ERC2: variants seen among roughly 807,000 people sequenced by gnomAD.
The protein encoded by ERC2 is ERC protein 2.
In ERC2, 42 loss-of-function variants were observed where a neutral mutation model predicts 114.8. The ratio of observed to expected loss-of-function variants is 0.37; its 90% CI spans 0.29 to 0.47. The LOEUF (loss-of-function observed/expected upper bound fraction) is 0.47, where lower values mean the gene tolerates loss of function less well. Among genes scored for constraint, ERC2 ranks in the 20% least tolerant of loss-of-function variants. The probability of loss-of-function intolerance (pLI) is 0.99; values close to 1 mark genes in which losing one functional copy is unlikely to be tolerated. For missense variants in ERC2, 939 were observed against 1,150.7 expected (o/e 0.82, Z 2.66); for synonymous variants, 454 against 425.5 (o/e 1.07, Z -0.82).
intron 14 of ERC2, among the ~76,000 whole-genome samples, chr3:55,823,947 C>T (rs1049061229): frequency 3.3e-5 from 5 of 152,138 alleles, no homozygotes; most frequent in African/African-American, 7.2e-5. Flanking sequence ...ATCAAGGTGT[C>T]GGCAGATTCA....
At chr3:56,371,196 C>T (rs981281214) in intron 2 of ERC2, among the ~76,000 whole-genome samples, 1 of 152,164 alleles carries the variant, frequency 6.6e-6, no homozygotes. Context: ...CCAGACTATA[C>T]AAGACAATAG....
intron 14 of ERC2, among the ~76,000 whole-genome samples, chr3:55,830,107 T>A (rs2149180778): frequency 6.6e-6 from 1 of 152,314 alleles, no homozygotes; most frequent in Admixed American, 6.5e-5. Context: ...AAAATGACGT[T>A]ACACAGAAGA....
intron 6 of ERC2, 59 bp downstream of exon 6, chr3:56,139,450 A>G: frequency 6.5e-7 from 1 of 1,534,742 alleles, no homozygotes; most frequent in Non-Finnish European, 8.8e-7. Context: ...TTGTTCAGGT[A>G]GGGCAATTTC....
At position 56,345,483 on chromosome 3, in the gene ERC2, G is replaced by A. The variant is rs1053924354; in HGVS notation, c.658-49048C>T. Among the ~76,000 whole-genome samples the A allele has an allele frequency of 2.6e-5, 4 of 152,278 alleles. 1 individual carries two copies. Among genetic ancestry groups the A allele is most frequent in the Admixed American group, 1.3e-4 (2 of 15,300 alleles). On this transcript the variant is annotated intron_variant, in intron 2 of 17. Transcript: ENST00000288221. ...TGTTCCTGGGACAACTGAGGAAAAT[G>A]GTTAGTTTATGAAGACCACCATTTG...
intron 2 of ERC2, among the ~76,000 whole-genome samples, chr3:56,395,599 C>G (rs546121720): frequency 1.3e-5 from 2 of 152,272 alleles, no homozygotes; most frequent in East Asian, 3.9e-4. Flanking sequence ...CATTCTCTCA[C>G]TCCATTGCTC....
intron 2 of ERC2, among the ~76,000 whole-genome samples, chr3:56,341,366 ACTGGGACCTGAGCCC>A (rs1278969872): frequency 1.3e-5 from 2 of 152,196 alleles, no homozygotes; most frequent in Non-Finnish European, 2.9e-5. Context: ...AAAACAGGGC[ACTGGGACCTGAGCCC>A]CTGGGAGCCA....
chr3:56,236,650 G>T (rs958053339), intron 3 of ERC2, among the ~76,000 whole-genome samples: 1 of 152,058 alleles, frequency 6.6e-6, no homozygotes, highest in East Asian at 1.9e-4. Context: ...ATTATATTGA[G>T]GTATTTTGGG....
intron 2 of ERC2, among the ~76,000 whole-genome samples, chr3:56,342,855 G>GA (rs1450526422): frequency 1.3e-5 from 2 of 152,170 alleles, no homozygotes; most frequent in African/African-American, 4.8e-5. Context: ...TGTGGGATGA[G>GA]AAAATGATCC....
intron 11 of ERC2, among the ~76,000 whole-genome samples, chr3:55,990,327 G>T (rs1423050636): frequency 2.0e-5 from 3 of 152,098 alleles, no homozygotes; most frequent in Admixed American, 1.3e-4. Context: ...ATTATGAAGA[G>T]AAATATTAAT....
At chr3:55,576,309 C>CA (rs112669253) in intron 17 of ERC2, among the ~76,000 whole-genome samples, 1,224 of 117,514 alleles carry the variant, frequency 0.01, 10 homozygotes, top group Non-Finnish European at 0.015. Flanking sequence ...GACTCCATCT[C>CA]AAAAAAAAAA....
intron 17 of ERC2, among the ~76,000 whole-genome samples, chr3:55,637,862 A>C (rs2148646044): frequency 6.6e-6 from 1 of 152,234 alleles, no homozygotes; most frequent in Non-Finnish European, 1.5e-5. Context: ...AGAATTTGAC[A>C]TGCATTTTCT....
At chr3:55,996,038 T>C (rs2071483977) in intron 10 of ERC2, among the ~76,000 whole-genome samples, 1 of 152,238 alleles carries the variant, frequency 6.6e-6, no homozygotes, top group African/African-American at 2.4e-5. Flanking sequence ...GGATCTATCA[T>C]ACTTTAGACA....
At chr3:56,157,451 T>C (rs2081794034) in intron 4 of ERC2, among the ~76,000 whole-genome samples, 1 of 152,190 alleles carries the variant, frequency 6.6e-6, no homozygotes, top group Non-Finnish European at 1.5e-5. Context: ...AAAGAGGGTT[T>C]GAATTCCAGC....
intron 4 of ERC2, among the ~76,000 whole-genome samples, chr3:56,152,112 A>G (rs952685678): frequency 2.0e-5 from 3 of 152,300 alleles, no homozygotes; most frequent in East Asian, 3.9e-4. Flanking sequence ...AGCTTTTCCC[A>G]AAGTTCACAG....
chr3:56,154,276 G>T (rs1433402398), intron 4 of ERC2, among the ~76,000 whole-genome samples: 1 of 152,032 alleles, frequency 6.6e-6, no homozygotes, highest in Admixed American at 6.6e-5. Context: ...TCAAAAACTC[G>T]CCTTCTTGGG....
intron 3 of ERC2, among the ~76,000 whole-genome samples, chr3:56,218,036 C>G (rs899227109): frequency 6.6e-6 from 1 of 152,190 alleles, no homozygotes; most frequent in Non-Finnish European, 1.5e-5. Context: ...CATAAAAACC[C>G]TAGAAGAAAA....
At chr3:55,524,500 G>T (rs1191386204) in intron 17 of ERC2, among the ~76,000 whole-genome samples, 21 of 120,832 alleles carry the variant, frequency 1.7e-4, no homozygotes, top group East Asian at 2.4e-4. Context: ...AGCTCCAGTG[G>T]TTTTTTTTTT....
At chr3:55,661,716 C>T (rs1319650366) in intron 17 of ERC2, among the ~76,000 whole-genome samples, 3 of 152,142 alleles carry the variant, frequency 2.0e-5, no homozygotes, top group Non-Finnish European at 4.4e-5. Flanking sequence ...ATCTTATTTG[C>T]TGCATTTTAA....
intron 3 of ERC2, among the ~76,000 whole-genome samples, chr3:56,188,674 A>T (rs1234967605): frequency 6.6e-6 from 1 of 152,138 alleles, no homozygotes; most frequent in Non-Finnish European, 1.5e-5. Context: ...TGTAGTATAA[A>T]ATGCTGAGGG....
Sources: allele counts gnomAD v4.1 joint callset (sites outside exome capture counted in the v4.1 genomes callset), GRCh38; gene constraint gnomAD v4.1.1; transcripts MANE v1.5; gene names NCBI Gene and HGNC (gene_info 2026-07-23, HGNC 2026-07-21).